SNX25: variants seen among roughly 807,000 people sequenced by gnomAD.
SNX25 encodes the protein sorting nexin 25.
In SNX25, 62 loss-of-function variants were observed where a neutral mutation model predicts 113.7. The observed-to-expected ratio is 0.55, with a 90% CI of 0.44 to 0.67. The LOEUF is 0.67. Ranked by LOEUF, SNX25 falls within the 30% of genes least tolerant of loss-of-function variation. SNX25 has a pLI of 0.00. For missense variants in SNX25, 1,014 were observed against 1,161.0 expected (o/e 0.87, Z 1.84); for synonymous variants, 421 against 436.2 (o/e 0.97, Z 0.43).
chr4:185,235,260 A>G (rs978001802), intron 1 of SNX25, among the ~76,000 whole-genome samples: 1 of 152,214 alleles, frequency 6.6e-6, no homozygotes, highest in African/African-American at 2.4e-5. Context: ...TCTGCCATTC[A>G]TCTTTCTCTA....
intron 5 of SNX25, among the ~76,000 whole-genome samples, chr4:185,274,217 C>T (rs1371328960): frequency 6.6e-5 from 10 of 152,054 alleles, no homozygotes; most frequent in African/African-American, 1.7e-4. Context: ...CGCCCCACCA[C>T]GCCTGGCTAA....
chr4:185,299,845 C>G (rs189274441), intron 6 of SNX25, among the ~76,000 whole-genome samples: 52 of 152,156 alleles, frequency 3.4e-4, no homozygotes, highest in African/African-American at 1.2e-3. Context: ...TAAGGTGATT[C>G]AAGAGTCATG....
chr4:185,321,231 G>A (rs971455729), intron 8 of SNX25, among the ~76,000 whole-genome samples: 2 of 150,142 alleles, frequency 1.3e-5, no homozygotes, highest in African/African-American at 2.5e-5. Flanking sequence ...ATATCATAAT[G>A]TGCATGTTTT....
At chr4:185,310,430 G>A (rs988431569) in intron 6 of SNX25, among the ~76,000 whole-genome samples, 1 of 149,510 alleles carries the variant, frequency 6.7e-6, no homozygotes, top group African/African-American at 2.5e-5. Flanking sequence ...ATTTGTCAGT[G>A]GTATATTTAG....
chr4:185,279,240 C>CTA (rs1750218312), intron 5 of SNX25, among the ~76,000 whole-genome samples: 1 of 151,996 alleles, frequency 6.6e-6, no homozygotes, highest in Admixed American at 6.6e-5. Context: ...TGGGCTGCTC[C>CTA]GGTCCAGAAC....
chr4:185,240,753 T>C (rs1241928536), intron 1 of SNX25, among the ~76,000 whole-genome samples: 1 of 150,064 alleles, frequency 6.7e-6, no homozygotes, highest in African/African-American at 2.5e-5. Flanking sequence ...CGCTCCTCAC[T>C]TCCCAGACGG....
intron 1 of SNX25, among the ~76,000 whole-genome samples, chr4:185,241,425 G>C (rs1242790299): frequency 1.5e-4 from 22 of 142,140 alleles, no homozygotes; most frequent in African/African-American, 5.4e-4. Flanking sequence ...TGAGATGGCA[G>C]CAGTACAGTC....
chr4:185,376,439 G>C, the SNX25 span, among the ~76,000 whole-genome samples: 2 of 138,228 alleles, frequency 1.4e-5, no homozygotes, highest in African/African-American at 2.8e-5. Context: ...ACCATGCCCA[G>C]CTACTTTTTT....
At chr4:185,222,504 T>C (rs1740144427) in intron 1 of SNX25, among the ~76,000 whole-genome samples, 1 of 152,102 alleles carries the variant, frequency 6.6e-6, no homozygotes, top group Admixed American at 6.5e-5. Context: ...TACAGCGCCG[T>C]ATACCCCTCC....
rs1256734815 is a variant in SNX25, at chr4:185,363,234, T to G, written c.2935-151T>G. 2 of 659,806 alleles carry G rather than the reference T, an allele frequency of 3.0e-6. No homozygotes were observed. Among genetic ancestry groups the G allele is most frequent in the African/African-American group, 3.6e-5 (2 of 55,026 alleles). 40.9% of individuals were successfully genotyped at this position (659,806 alleles called of 1,614,324 possible). On this transcript the variant is annotated intron_variant, in intron 18 of 18. Transcript: ENST00000652585. The surrounding 1 kb of genome is among the most constrained non-coding windows in gnomAD (Gnocchi z 4.2). ...GTTTCCCAGTCATCTCTGATTATAG[T>G]TACCAATATTAAATACTGTTTGAGA...
Position 185,209,768 on chromosome 4 carries a change from C to A in SNX25, c.-59C>A. Reference sequence around the variant, plus strand: ...GCGCGGGCTCCCCCTGCCTCCGGAGCGCCGGCGGGGGACCGGGGGGCAGGA... The same window carrying A: ...GCGCGGGCTCCCCCTGCCTCCGGAGAGCCGGCGGGGGACCGGGGGGCAGGA... On this transcript the variant is annotated 5_prime_UTR_variant, in exon 1 of 19. Coordinates refer to ENST00000652585, the MANE Select transcript of SNX25 (RefSeq NM_001378034.2). The surrounding 1 kb of genome is among the most constrained non-coding windows in gnomAD (Gnocchi z 5.2). 4 of 984,016 alleles carry A rather than the reference C, an allele frequency of 4.1e-6. No homozygotes were observed. The highest frequency in any genetic ancestry group is 4.8e-6 in the Non-Finnish European group (4 of 829,418). The allele number at this position is 984,016 out of a possible 1,614,324, so 61.0% of individuals were successfully genotyped here. A position where few individuals can be genotyped will look rare whatever the true frequency, so the allele number is the denominator to read the frequency against.
chr4:185,231,391 G>A (rs1445733925), intron 1 of SNX25, among the ~76,000 whole-genome samples: 1 of 151,408 alleles, frequency 6.6e-6, no homozygotes, highest in Non-Finnish European at 1.5e-5. Flanking sequence ...GAGCCACCAT[G>A]CCTGGCCAAT....
At chr4:185,375,946 T>C in the SNX25 span, among the ~76,000 whole-genome samples, 1 of 152,102 alleles carries the variant, frequency 6.6e-6, no homozygotes, top group African/African-American at 2.4e-5. Flanking sequence ...AGCAAACATT[T>C]GTTGCCAGGA....
chr4:185,303,416 T>C (rs932055669), intron 6 of SNX25, among the ~76,000 whole-genome samples: 1 of 151,958 alleles, frequency 6.6e-6, no homozygotes, highest in Non-Finnish European at 1.5e-5. Context: ...TCCCAGCACT[T>C]TGGGAGGCCG....
intron 6 of SNX25, among the ~76,000 whole-genome samples, chr4:185,298,308 C>T (rs1215721046): frequency 2.0e-5 from 3 of 152,018 alleles, no homozygotes; most frequent in Non-Finnish European, 4.4e-5. Context: ...AGGCTGGTCT[C>T]GAACTCCTAA....
chr4:185,267,180 A>G, intron 5 of SNX25, 25 bp downstream of exon 5: 1 of 1,600,786 alleles, frequency 6.2e-7, no homozygotes, highest in Non-Finnish European at 8.5e-7. Flanking sequence ...ATTATAGCAC[A>G]GCAACAGCTA....
chr4:185,374,166 T>C, downstream of SNX25: 1 of 1,614,132 alleles, frequency 6.2e-7, no homozygotes, highest in African/African-American at 1.3e-5. Context: ...CTTGGTTGAG[T>C]AATACAGCCC....
intron 13 of SNX25, among the ~76,000 whole-genome samples, chr4:185,350,744 C>A (rs972855657): frequency 6.6e-6 from 1 of 152,160 alleles, no homozygotes; most frequent in African/African-American, 2.4e-5. Context: ...CACCTGTAGT[C>A]CCAGCTACTT....
Position 185,267,071 on chromosome 4 carries a change from G to A in SNX25, c.1007G>A (p.Arg336Lys), listed in dbSNP as rs771078798. 2.5e-6 allele frequency: 4 copies of A among 1,613,974 alleles called. No homozygotes were observed. Among genetic ancestry groups the A allele is most frequent in the Admixed American group, 3.3e-5 (2 of 60,006 alleles). Residue 336 changes from arginine (R) to lysine (K), a missense_variant, in exon 5 of 19, where the codon AGA becomes AAA. By Grantham distance (26) the Arg-to-Lys change is conservative. Transcript: ENST00000652585. ...YREQMNEHHK[R>K]AYTYAPSYED... ...GAGCAAATGAATGAGCATCACAAGA[G>A]AGCCTACACCTATGCCCCCTCTTAC...
Sources: gnomAD v4.1 joint callset for allele counts (sites outside exome capture counted in the v4.1 genomes callset) on GRCh38, gnomAD v4.1.1 for gene constraint, Gnocchi (gnomAD v3.1) non-coding constraint, MANE v1.5 for transcripts, NCBI Gene and HGNC (gene_info 2026-07-23, HGNC 2026-07-21) for gene names.